LOXL2: variants seen among roughly 807,000 people sequenced by gnomAD.
LOXL2 encodes the protein lysyl oxidase homolog 2.
In LOXL2, 70 loss-of-function variants were observed where a neutral mutation model predicts 93.0. The ratio of observed to expected loss-of-function variants is 0.75; its 90% confidence interval spans 0.62 to 0.92. The LOEUF (loss-of-function observed/expected upper bound fraction) is 0.92, where lower values mean the gene tolerates loss of function less well. Among genes scored for constraint, LOXL2 ranks in the 40% least tolerant of loss-of-function variants. The pLI, the probability that LOXL2 is intolerant of heterozygous loss-of-function variation, is 0.00. For missense variants in LOXL2, 973 were observed against 1,054.9 expected, an observed-to-expected ratio of 0.92 and a Z score of 1.08; for synonymous variants, 438 against 413.2, an observed-to-expected ratio of 1.06 and a Z score of -0.73.
intron 3 of LOXL2, among the ~76,000 whole-genome samples, chr8:23,354,588 C>CTG (rs35274565): frequency 0.014 from 2,162 of 150,894 alleles, 33 homozygotes; most frequent in African/African-American, 0.045. Flanking sequence ...CATCCCTTCT[C>CTG]TGTGTGTGTG....
At chr8:23,389,718 T>A (rs1204057458) in intron 1 of LOXL2, among the ~76,000 whole-genome samples, 1 of 152,336 alleles carries the variant, frequency 6.6e-6, no homozygotes, top group Non-Finnish European at 1.5e-5. Flanking sequence ...GTGATGCTCA[T>A]AACTGTCCCC....
chr8:23,314,464 TA>T, intron 9 of LOXL2, among the ~76,000 whole-genome samples: 1 of 126,740 alleles, frequency 7.9e-6, no homozygotes, highest in African/African-American at 2.8e-5. Flanking sequence ...TATGCAGCCA[TA>T]AAAAATGATA....
intron 4 of LOXL2, among the ~76,000 whole-genome samples, chr8:23,338,188 A>C (rs11782534): frequency 0.38 from 58,305 of 151,978 alleles, 12,620 homozygotes; most frequent in African/African-American, 0.6. Flanking sequence ...AAAAACCCAC[A>C]CCCATGATTC....
At chr8:23,318,000 G>A (rs1456115892) in intron 8 of LOXL2, among the ~76,000 whole-genome samples, 1 of 151,952 alleles carries the variant, frequency 6.6e-6, no homozygotes, top group Non-Finnish European at 1.5e-5. Context: ...TTCATTTTAC[G>A]TGTCAACTTG....
chr8:23,314,373 G>C (rs988452692), intron 9 of LOXL2, among the ~76,000 whole-genome samples: 1 of 143,212 alleles, frequency 7.0e-6, no homozygotes, highest in African/African-American at 2.5e-5. Context: ...ATTCACGATA[G>C]CAAAGACTTG....
Position 23,333,588 on chromosome 8 carries a change from G to A in LOXL2, c.779C>T (p.Pro260Leu), listed in dbSNP as rs758784956. 6.2e-7 allele frequency: 1 copy of A among 1,613,706 alleles called. No homozygotes were observed. Among genetic ancestry groups the A allele is most frequent in the Non-Finnish European group, 8.5e-7 (1 of 1,180,002 alleles). Residue 260 changes from proline (P) to leucine (L), a missense_variant, in exon 5 of 14, where the codon CCA becomes CTA. Physicochemically the swap from Pro to Leu is moderately conservative, Grantham distance 98. Transcript: ENST00000389131. ...TGTGCCGGTGCAGTCCATGGAGAATGGCCAGTAGCGCTGCTTCCTCCGTGA... is the reference window on the plus strand; with the variant it reads ...TGTGCCGGTGCAGTCCATGGAGAATAGCCAGTAGCGCTGCTTCCTCCGTGA... ...FASRRKQRYW[P>L]FSMDCTGTEA...
chr8:23,338,646 C>T (rs1431594023), intron 4 of LOXL2, among the ~76,000 whole-genome samples: 1 of 152,194 alleles, frequency 6.6e-6, no homozygotes, highest in Non-Finnish European at 1.5e-5. Context: ...CAGCCACAGG[C>T]TGTAGGAAGA....
intron 2 of LOXL2, chr8:23,363,863 G>A (rs999156320): frequency 1.3e-5 from 2 of 152,164 alleles, no homozygotes; most frequent in Non-Finnish European, 2.9e-5. Context: ...CGTTTGGCCT[G>A]ATTTCATAAC....
chr8:23,383,660 T>TTG (rs1804712358), intron 1 of LOXL2, among the ~76,000 whole-genome samples: 1 of 38,778 alleles, frequency 2.6e-5, no homozygotes, highest in African/African-American at 8.2e-5. Context: ...TTTTTTTGTT[T>TTG]TTTTTTTTTT....
At chr8:23,367,893 C>T (rs1804430565) in intron 2 of LOXL2, 104 bp downstream of exon 2, 3 of 898,136 alleles carry the variant, frequency 3.3e-6, no homozygotes, top group Non-Finnish European at 5.2e-6. Flanking sequence ...CAAGAATTTA[C>T]ACTTCGCAGT....
chr8:23,370,546 A>C (rs1231390721), intron 1 of LOXL2: 1 of 152,260 alleles, frequency 6.6e-6, no homozygotes, highest in Non-Finnish European at 1.5e-5. Flanking sequence ...AAATATTAAA[A>C]ACATATGTTC....
intron 12 of LOXL2, among the ~76,000 whole-genome samples, chr8:23,300,779 T>C (rs1388212395): frequency 1.3e-5 from 2 of 152,122 alleles, no homozygotes; most frequent in African/African-American, 2.4e-5. Context: ...GCTTAGGCAA[T>C]TGATAGTAGT....
chr8:23,354,160 T>A (rs1405199686), intron 3 of LOXL2, among the ~76,000 whole-genome samples: 1 of 152,208 alleles, frequency 6.6e-6, no homozygotes. Flanking sequence ...TCTTCCATTC[T>A]CTGCTTTGGG....
intron 12 of LOXL2, among the ~76,000 whole-genome samples, chr8:23,299,320 C>G (rs148229738): frequency 2.0e-4 from 31 of 152,284 alleles, no homozygotes; most frequent in African/African-American, 7.2e-4. Context: ...CAGGGAGGAC[C>G]TGGCGGTGTG....
intron 3 of LOXL2, among the ~76,000 whole-genome samples, chr8:23,342,421 TTTTTTC>T (rs1178852710): frequency 4.6e-5 from 7 of 151,136 alleles, no homozygotes; most frequent in Middle Eastern, 6.3e-3. Context: ...AAAGAGCCTC[TTTTTTC>T]TTTTTCTTTT....
Position 23,297,948 on chromosome 8 carries a change from G to A in LOXL2, c.*95C>T, listed in dbSNP as rs996529934. 6.7e-6 allele frequency: 7 copies of A among 1,038,856 alleles called. No individual in the cohort carries two copies. Among genetic ancestry groups the A allele is most frequent in the Non-Finnish European group, 1.0e-5 (7 of 679,598 alleles). The allele number at this position is 1,038,856 out of a possible 1,614,324, so 64.4% of individuals were successfully genotyped here. ...ACAGGGTGGGGGCCGGGCTGGGTGA[G>A]GGCACGTGGCATTCGTTCAGACTCA... On this transcript the variant is annotated 3_prime_UTR_variant, in exon 14 of 14. Coordinates refer to ENST00000389131, the MANE Select transcript of LOXL2 (RefSeq NM_002318.3).
At chr8:23,332,912 C>G (rs539667390) in intron 5 of LOXL2, among the ~76,000 whole-genome samples, 1 of 149,928 alleles carries the variant, frequency 6.7e-6, no homozygotes, top group Admixed American at 6.7e-5. Context: ...ATACACCCCC[C>G]CCACAGAGGG....
chr8:23,342,599 T>C (rs1171055225), intron 3 of LOXL2, among the ~76,000 whole-genome samples: 2 of 151,790 alleles, frequency 1.3e-5, no homozygotes, highest in Non-Finnish European at 2.9e-5. Flanking sequence ...ACCCGGCCAA[T>C]TGTTTGTATT....
rs1291320347 is a variant in LOXL2 at position 23,368,316 on chromosome 8, G to A, written c.36C>T (p.Cys12=). ...GGGACAGGAGGGCCAGCATAGCCAG[G>A]CAGCTGCAGAGGTGGGAGCACAGAG... ...ERPLCSHLCS[C]LAMLALLSPL... is the part of the protein sequence containing the mutation. Residue 12 remains cysteine (C), a synonymous_variant, in exon 2 of 14, where the codon TGC becomes TGT. Coordinates refer to ENST00000389131, the MANE Select transcript of LOXL2 (RefSeq NM_002318.3). 3 of 1,612,994 alleles carry A rather than the reference G, an allele frequency of 1.9e-6. No homozygotes were observed. The highest frequency in any genetic ancestry group is 4.5e-5 in the East Asian group (2 of 44,876).
Sources: gnomAD v4.1 joint callset for allele counts (sites outside exome capture counted in the v4.1 genomes callset) on GRCh38, gnomAD v4.1.1 for gene constraint, MANE v1.5 for transcripts, NCBI Gene and HGNC (gene_info 2026-07-23, HGNC 2026-07-21) for gene names.